Variants in SBF2 observed in about 807,000 individuals in gnomAD.
SBF2 encodes SET binding factor 2.
A neutral mutation model predicts 225.2 loss-of-function variants in SBF2; 112 were observed. The ratio of observed to expected loss-of-function variants is 0.50; its 90% CI spans 0.43 to 0.58. The LOEUF (loss-of-function observed/expected upper bound fraction) is 0.58. SBF2 is among the 20% of genes least tolerant of loss of function. The pLI, the probability that SBF2 is intolerant of heterozygous loss-of-function variation, is 0.00. For synonymous variants in SBF2, 763 were observed against 773.3 expected (o/e 0.99, Z 0.22); for missense variants, 1,996 against 2,206.2 (o/e 0.90, Z 1.91).
intron 2 of SBF2, among the ~76,000 whole-genome samples, chr11:10,046,690 G>T (rs1222381841): frequency 6.6e-6 from 1 of 150,868 alleles, no homozygotes; most frequent in Non-Finnish European, 1.5e-5. Flanking sequence ...AAAACTCAAA[G>T]CTTTCCAAGA....
intron 1 of SBF2, among the ~76,000 whole-genome samples, chr11:10,205,109 C>CG (rs1207068105): frequency 6.6e-6 from 1 of 151,720 alleles, no homozygotes; most frequent in Non-Finnish European, 1.5e-5. Flanking sequence ...CAAACCACCA[C>CG]GGCACATGTT....
rs1949127664 is a variant in SBF2 at position 10,028,438 on chromosome 11, G to T, written c.619+14C>A. 1.3e-6 allele frequency: 2 copies of T among 1,515,270 alleles called. No individual in the cohort carries two copies. Among genetic ancestry groups the T allele is most frequent in the South Asian group, 1.1e-5 (1 of 89,156 alleles). 93.9% of individuals were successfully genotyped at this position (1,515,270 alleles called of 1,614,324 possible). On this transcript the variant is annotated intron_variant, in intron 6 of 39. Coordinates refer to ENST00000256190, the MANE Select transcript of SBF2 (RefSeq NM_030962.4). ...TTCTACAAGATGACATTGAAAATGGGAGAAAAGACATACCCAATTGCTGGA... is the reference window on the plus strand; with the variant it reads ...TTCTACAAGATGACATTGAAAATGGTAGAAAAGACATACCCAATTGCTGGA...
rs1398663097 is a variant in SBF2, at chr11:10,133,589, G to C, written c.141+60313C>G. Among the ~76,000 whole-genome samples the C allele has an allele frequency of 1.1e-4, 15 of 140,480 alleles. 1 individual carries two copies. Among genetic ancestry groups the C allele is most frequent in the Middle Eastern group, 6.5e-3 (2 of 306 alleles). The allele number at this position is 140,480 out of a possible 152,430, so 92.2% of individuals were successfully genotyped here. ...TGCCCAGGGCCAGCAGGGCTGCCTG[G>C]CTGCTCCGAGTGCGGGGCCCACCAA... On this transcript the variant is annotated intron_variant, in intron 2 of 39. Transcript: ENST00000256190.
At chr11:10,275,748 A>G (rs1172809138) in intron 1 of SBF2, among the ~76,000 whole-genome samples, 1 of 152,164 alleles carries the variant, frequency 6.6e-6, no homozygotes, top group Non-Finnish European at 1.5e-5. Flanking sequence ...GGAACAATTC[A>G]TTGTTTCAAA....
intron 16 of SBF2, among the ~76,000 whole-genome samples, chr11:9,909,043 T>A (rs1270398968): frequency 2.6e-5 from 4 of 152,038 alleles, no homozygotes; most frequent in Admixed American, 2.6e-4. Flanking sequence ...TAATTAGTCA[T>A]AAGGCCTTTT....
chr11:9,866,358 T>G (rs551973285), intron 17 of SBF2, among the ~76,000 whole-genome samples: 1 of 152,076 alleles, frequency 6.6e-6, no homozygotes, highest in African/African-American at 2.4e-5. Context: ...CAAAACAGCA[T>G]GGTACTGCCA....
intron 6 of SBF2, among the ~76,000 whole-genome samples, chr11:10,009,507 G>A (rs990762270): frequency 6.6e-6 from 1 of 152,128 alleles, no homozygotes; most frequent in African/African-American, 2.4e-5. Flanking sequence ...AGAACATGCG[G>A]TGTTTGGTTT....
intron 2 of SBF2, among the ~76,000 whole-genome samples, chr11:10,056,425 G>A (rs1950259230): frequency 6.6e-6 from 1 of 152,102 alleles, no homozygotes; most frequent in Non-Finnish European, 1.5e-5. Flanking sequence ...TTTGAGCAGT[G>A]ATTTGTAATT....
intron 5 of SBF2, 112 bp from the exon 6 acceptor site, chr11:10,028,669 T>A (rs1354730094): frequency 2.6e-6 from 2 of 764,198 alleles, no homozygotes; most frequent in Non-Finnish European, 4.7e-6. Context: ...TAAGATCCAA[T>A]TAACAGATAC....
At chr11:10,074,718 T>C (rs901512058) in intron 2 of SBF2, among the ~76,000 whole-genome samples, 1 of 152,176 alleles carries the variant, frequency 6.6e-6, no homozygotes, top group Non-Finnish European at 1.5e-5. Flanking sequence ...ATGTGTACAT[T>C]AGATTCCCCA....
At chr11:10,214,390 G>C (rs544899202) in intron 1 of SBF2, among the ~76,000 whole-genome samples, 1 of 152,128 alleles carries the variant, frequency 6.6e-6, no homozygotes, top group Non-Finnish European at 1.5e-5. Flanking sequence ...TTTGGAGTCC[G>C]AGGCGGGCGG....
chr11:10,289,212 G>A (rs997347836), intron 1 of SBF2, among the ~76,000 whole-genome samples: 4 of 152,218 alleles, frequency 2.6e-5, no homozygotes, highest in Non-Finnish European at 5.9e-5. Flanking sequence ...AGCCTACAAG[G>A]GCAGGAGGGA....
chr11:9,780,296 G>A lies in SBF2; in HGVS notation c.*122C>T. 2.4e-6 allele frequency: 2 copies of A among 823,988 alleles called. No homozygotes were observed. Among genetic ancestry groups the A allele is most frequent in the South Asian group, 2.9e-5 (2 of 69,354 alleles). The allele number at this position is 823,988 out of a possible 1,614,324, so 51.0% of individuals were successfully genotyped here. ...TAGCAACCCCTGCAAGAGGGGACTG[G>A]GCAGGAGAACCTCAGGCCCTGGGAT... On this transcript the variant is annotated 3_prime_UTR_variant, in exon 40 of 40. Transcript: ENST00000256190.
At chr11:10,213,099 A>G (rs1305033614) in intron 1 of SBF2, among the ~76,000 whole-genome samples, 2 of 152,098 alleles carry the variant, frequency 1.3e-5, no homozygotes, top group East Asian at 1.9e-4. Context: ...GGATTCCACT[A>G]AATTCAGAAA....
At chr11:10,210,660 C>G (rs374823440) in intron 1 of SBF2, among the ~76,000 whole-genome samples, 7 of 152,116 alleles carry the variant, frequency 4.6e-5, no homozygotes, top group African/African-American at 1.7e-4. Flanking sequence ...AAGAACACAG[C>G]AGACTCCCCA....
chr11:9,868,437 G>T (rs978311220), intron 17 of SBF2, among the ~76,000 whole-genome samples: 1 of 150,382 alleles, frequency 6.6e-6, no homozygotes, highest in Non-Finnish European at 1.5e-5. Context: ...AGAATGGCAT[G>T]AACCCGGGAG....
At chr11:9,879,770 C>G (rs896940683) in intron 17 of SBF2, among the ~76,000 whole-genome samples, 2 of 152,080 alleles carry the variant, frequency 1.3e-5, no homozygotes, top group African/African-American at 4.8e-5. Context: ...AAAGTTCAGA[C>G]AGTTAAACAT....
At chr11:10,099,803 T>A (rs1208138424) in intron 2 of SBF2, among the ~76,000 whole-genome samples, 1 of 152,046 alleles carries the variant, frequency 6.6e-6, no homozygotes, top group Non-Finnish European at 1.5e-5. Flanking sequence ...ATGTTTGATA[T>A]GTCTTATGAA....
At chr11:9,784,561 A>C (rs1312814086) in intron 37 of SBF2, 123 bp from the exon 38 acceptor site, 2 of 770,010 alleles carry the variant, frequency 2.6e-6, no homozygotes, top group Middle Eastern at 3.2e-4. Context: ...AAAATGGCCT[A>C]TAAGAGTTCT....
Sources: gnomAD v4.1 joint callset for allele counts (sites outside exome capture counted in the v4.1 genomes callset) on GRCh38, gnomAD v4.1.1 for gene constraint, MANE v1.5 for transcripts, NCBI Gene and HGNC (gene_info 2026-07-23, HGNC 2026-07-21) for gene names.